The following SNTB1 variants were observed in gnomAD, a reference collection of about 807,000 sequenced individuals.
SNTB1 encodes the protein beta-1-syntrophin.
SNTB1 carries 36 observed loss-of-function variants against 48.9 expected under a neutral mutation model. The ratio of observed to expected loss-of-function variants is 0.74; its 90% confidence interval spans 0.56 to 0.97. The LOEUF is 0.97. Among genes scored for constraint, SNTB1 ranks in the 50% least tolerant of loss-of-function variants. SNTB1 has a pLI of 0.00. For missense variants in SNTB1, 786 were observed against 703.4 expected (o/e 1.12, Z -1.33); for synonymous variants, 299 against 294.6 (o/e 1.01, Z -0.15).
At chr8:120,731,898 G>A (rs181573737) in intron 1 of SNTB1, among the ~76,000 whole-genome samples, 5 of 152,264 alleles carry the variant, frequency 3.3e-5, no homozygotes, top group East Asian at 3.9e-4. Flanking sequence ...CAGTATTCCC[G>A]AATGCTATAT....
chr8:120,763,624 A>C (rs1351239329), intron 1 of SNTB1, among the ~76,000 whole-genome samples: 1 of 152,244 alleles, frequency 6.6e-6, no homozygotes, highest in African/African-American at 2.4e-5. Flanking sequence ...CCATAAACAA[A>C]GTAAAAACCA....
chr8:120,771,571 G>C (rs1819629354), intron 1 of SNTB1, among the ~76,000 whole-genome samples: 1 of 152,174 alleles, frequency 6.6e-6, no homozygotes, highest in African/African-American at 2.4e-5. Flanking sequence ...ATTTGGACTG[G>C]AGAAGCCCTT....
chr8:120,674,423 G>A (rs927698336), intron 2 of SNTB1, among the ~76,000 whole-genome samples: 3 of 152,230 alleles, frequency 2.0e-5, no homozygotes, highest in Non-Finnish European at 2.9e-5. Flanking sequence ...AGCTGGTGAG[G>A]AAGACAGATG....
intron 1 of SNTB1, among the ~76,000 whole-genome samples, chr8:120,738,545 TTTCCTTCC>T (rs201478933): frequency 0.064 from 8,730 of 135,804 alleles, 768 homozygotes; most frequent in East Asian, 0.43. Context: ...TCCTTCCTTC[TTTCCTTCC>T]TTCCTTCCTT....
Position 120,811,346 on chromosome 8 carries a change from G to A in SNTB1, c.498C>T (p.Ala166=), listed in dbSNP as rs370898633. 1.9e-6 allele frequency: 3 copies of A among 1,612,932 alleles called. No homozygotes were observed. Among genetic ancestry groups the A allele is most frequent in the Admixed American group, 1.7e-5 (1 of 59,996 alleles). Residue 166 remains alanine, a synonymous_variant, in exon 1 of 7, where the codon GCC becomes GCT. Coordinates refer to ENST00000517992, the MANE Select transcript of SNTB1 (RefSeq NM_021021.4). ...VGDAILSVNG[A]DLRDATHDEA... is the part of the protein sequence containing the mutation. ...CGTCGTGGGTGGCGTCCCGCAGGTC[G>A]GCTCCGTTCACGGACAGGATGGCGT...
intron 2 of SNTB1, among the ~76,000 whole-genome samples, chr8:120,662,017 T>C (rs1036610519): frequency 2.0e-5 from 3 of 152,182 alleles, no homozygotes; most frequent in Admixed American, 2.0e-4. Flanking sequence ...CACTGTACTT[T>C]GTAGATATTT....
chr8:120,789,391 T>A (rs915565903), intron 1 of SNTB1, among the ~76,000 whole-genome samples: 18 of 151,280 alleles, frequency 1.2e-4, no homozygotes, highest in African/African-American at 4.4e-4. Flanking sequence ...ATAAAAAGGA[T>A]TAGAGCAGAA....
At chr8:120,699,079 C>G (rs1818260768) in intron 1 of SNTB1, among the ~76,000 whole-genome samples, 1 of 152,220 alleles carries the variant, frequency 6.6e-6, no homozygotes, top group Admixed American at 6.5e-5. Context: ...GGGACTCAGG[C>G]TTCTGCTTCC....
At chr8:120,627,307 C>T (rs988729712) in intron 3 of SNTB1, among the ~76,000 whole-genome samples, 2 of 152,236 alleles carry the variant, frequency 1.3e-5, no homozygotes, top group South Asian at 2.1e-4. Flanking sequence ...ATAATGATAA[C>T]TGAAATTCAT....
intron 3 of SNTB1, among the ~76,000 whole-genome samples, chr8:120,631,741 C>A (rs1381324295): frequency 6.6e-6 from 1 of 152,006 alleles, no homozygotes; most frequent in African/African-American, 2.4e-5. Context: ...TAACATATCA[C>A]ATAACTTGGG....
chr8:120,636,374 C>T (rs1271786396), intron 2 of SNTB1, among the ~76,000 whole-genome samples: 5 of 135,976 alleles, frequency 3.7e-5, no homozygotes, highest in Middle Eastern at 3.6e-3. Context: ...GTATATCTCC[C>T]GATGCTATCC....
At chr8:120,618,630 T>C (rs1816750793) in intron 3 of SNTB1, among the ~76,000 whole-genome samples, 1 of 152,154 alleles carries the variant, frequency 6.6e-6, no homozygotes, top group Non-Finnish European at 1.5e-5. Flanking sequence ...GTTTAAAAAA[T>C]CACTTGATTA....
intron 1 of SNTB1, among the ~76,000 whole-genome samples, chr8:120,787,755 C>T (rs901561198): frequency 1.2e-4 from 18 of 152,180 alleles, no homozygotes; most frequent in African/African-American, 4.1e-4. Flanking sequence ...ACCTATGAAT[C>T]ATAGGTGTTC....
chr8:120,699,921 A>C (rs1818276721), intron 1 of SNTB1, among the ~76,000 whole-genome samples: 1 of 152,186 alleles, frequency 6.6e-6, no homozygotes, highest in Non-Finnish European at 1.5e-5. Flanking sequence ...AATGTGTTAG[A>C]ACAATCAATT....
intron 2 of SNTB1, chr8:120,637,142 AT>A (rs1817094121): frequency 9.3e-6 from 3 of 322,856 alleles, no homozygotes; most frequent in Non-Finnish European, 1.9e-5. Context: ...AGTATTCCTG[AT>A]TAGTCCTGTT....
intron 5 of SNTB1, among the ~76,000 whole-genome samples, chr8:120,547,612 AAC>A (rs1270066972): frequency 6.6e-5 from 10 of 151,052 alleles, no homozygotes; most frequent in East Asian, 3.9e-4. Context: ...AAAAAAAAAA[AAC>A]AACTTTGTTT....
chr8:120,598,566 G>A (rs6469938), intron 3 of SNTB1, among the ~76,000 whole-genome samples: 139,260 of 152,272 alleles, frequency 0.91, 63,751 homozygotes, highest in Middle Eastern at 0.96. Context: ...GAGAATAAAA[G>A]CAGGGAAGCA....
chr8:120,767,783 A>G (rs913630449), intron 1 of SNTB1, among the ~76,000 whole-genome samples: 8 of 152,198 alleles, frequency 5.3e-5, no homozygotes, highest in Admixed American at 3.9e-4. Flanking sequence ...GTAGTCTTTT[A>G]TTATGCTCGG....
chr8:120,631,229 C>T (rs1345332593), intron 3 of SNTB1, among the ~76,000 whole-genome samples: 2 of 152,138 alleles, frequency 1.3e-5, no homozygotes, highest in Non-Finnish European at 2.9e-5. Context: ...GATTTATGCT[C>T]TTGTTTTCTT....
Sources: gnomAD v4.1 joint callset for allele counts (sites outside exome capture counted in the v4.1 genomes callset) on GRCh38, gnomAD v4.1.1 for gene constraint, MANE v1.5 for transcripts, NCBI Gene and HGNC (gene_info 2026-07-23, HGNC 2026-07-21) for gene names.